Variants in RPUSD4 observed in about 807,000 individuals in gnomAD.
The protein encoded by RPUSD4 is pseudouridylate synthase RPUSD4, mitochondrial.
Under a neutral mutation model 35.4 loss-of-function variants are expected in RPUSD4, and 37 were observed. That is an observed-to-expected ratio of 1.04 (90% CI 0.80 to 1.37). The LOEUF (loss-of-function observed/expected upper bound fraction) is 1.37, where lower values mean the gene tolerates loss of function less well. Ranked by LOEUF, RPUSD4 falls within the 40% of genes most tolerant of loss-of-function variation. The pLI is 0.00. For synonymous variants in RPUSD4, 210 were observed against 192.7 expected (o/e 1.09, Z -0.74); for missense variants, 507 against 484.9 (o/e 1.05, Z -0.43).
chr11:126,205,937 C>A, intron 3 of RPUSD4, 156 bp from the exon 4 acceptor site: 2 of 525,826 alleles, frequency 3.8e-6, no homozygotes, highest in Non-Finnish European at 6.6e-6. Flanking sequence ...AATGCTTAGC[C>A]TGAGAGCTGA....
chr11:126,205,913 G>C, intron 3 of RPUSD4, 132 bp from the exon 4 acceptor site: 1 of 651,914 alleles, frequency 1.5e-6, no homozygotes, highest in Non-Finnish European at 2.5e-6. Context: ...GATCGTGCAA[G>C]ATTCTCTTGG....
chr11:126,209,817 A>G (rs1041641146), intron 2 of RPUSD4, 95 bp from the exon 3 acceptor site: 3 of 1,015,288 alleles, frequency 3.0e-6, no homozygotes, highest in Middle Eastern at 3.2e-4. Flanking sequence ...TAAACTGTCA[A>G]TATTTTCTAG....
chr11:126,209,640 C>T lies in RPUSD4; in HGVS notation c.438G>A (p.Leu146=). The part of the protein sequence containing the change: ...KMLHGHKAEP[L]HLCHRLDKET... ...CCTTGTCCAGCCGGTGGCACAGATG[C>T]AAGGGCTCTGCCTTGTGGCCATGAA... Residue 146 remains leucine, a synonymous_variant, in exon 3 of 7, where the codon TTG becomes TTA. Coordinates refer to ENST00000298317, the MANE Select transcript of RPUSD4 (RefSeq NM_032795.3). 2 of 1,614,214 alleles carry T rather than the reference C, an allele frequency of 1.2e-6. No individual in the cohort carries two copies. Among genetic ancestry groups the T allele is most frequent in the Non-Finnish European group, 1.7e-6 (2 of 1,180,040 alleles).
intron 5 of RPUSD4, among the ~76,000 whole-genome samples, chr11:126,204,671 T>C (rs1949751260): frequency 6.6e-6 from 1 of 152,232 alleles, no homozygotes; most frequent in Admixed American, 6.5e-5. Flanking sequence ...TGAATTGTAG[T>C]AACATATACA....
Position 126,205,906 on chromosome 11 carries a change from C to T in RPUSD4, c.558-125G>A, listed in dbSNP as rs113580880. On this transcript the variant is annotated intron_variant, in intron 3 of 6. Coordinates refer to ENST00000298317, the MANE Select transcript of RPUSD4 (RefSeq NM_032795.3). Reference sequence around the variant, plus strand: ...ATGTGATTTCTTATGATTGAAGGATCGTGCAAGATTCTCTTGGTGTAATGC... The same window carrying T: ...ATGTGATTTCTTATGATTGAAGGATTGTGCAAGATTCTCTTGGTGTAATGC... The T allele has an allele frequency of 2.3e-3, 1,591 of 678,038 alleles. 14 individuals are homozygous for T. In the African/African-American group the frequency reaches 0.025, roughly 11 times the overall value. The allele number at this position is 678,038 out of a possible 1,614,324, so 42.0% of individuals were successfully genotyped here.
intron 3 of RPUSD4, chr11:126,208,574 T>C (rs1157967625): frequency 1.3e-5 from 2 of 152,284 alleles, no homozygotes; most frequent in African/African-American, 4.8e-5. Context: ...AACCTCTATG[T>C]GCTAACACAG....
At chr11:126,204,187 G>T in intron 6 of RPUSD4, 44 bp downstream of exon 6, 1 of 1,360,402 alleles carries the variant, frequency 7.4e-7, no homozygotes, top group South Asian at 1.2e-5. Flanking sequence ...GAACGCCTAA[G>T]TTCTCTCCCG....
Position 126,211,467 on chromosome 11 carries a change from C to T in RPUSD4, c.172G>A (p.Asp58Asn), listed in dbSNP as rs1178299788. 1 of 1,613,560 alleles carries T rather than the reference C, an allele frequency of 6.2e-7. No homozygotes were observed. The highest frequency in any genetic ancestry group is 1.3e-5 in the African/African-American group (1 of 75,024). ...GGACTCACCGGCTCCTTCTTTGTGT[C>T]TTGTTCCCGTTTCTGGGCTCGGAGC... ...EKLRAQKREQ[D>N]TKKEPVSTNA... is the part of the protein sequence containing the mutation. Residue 58 changes from aspartate to asparagine, a missense_variant, in exon 1 of 7, where the codon GAC becomes AAC. Coordinates refer to ENST00000298317, the MANE Select transcript of RPUSD4 (RefSeq NM_032795.3).
Position 126,205,473 on chromosome 11 carries a change from A to G in RPUSD4, c.791T>C (p.Ile264Thr). The G allele has an allele frequency of 6.2e-7, 1 of 1,614,250 alleles. No individual in the cohort carries two copies. Among genetic ancestry groups the G allele is most frequent in the East Asian group, 2.2e-5 (1 of 44,888 alleles). ...LSSALVELQP[I>T]TGIKHQLRVH... ...CGGAAAAGTGACACTCTCACCAGTG[A>G]TGGGCTGGAGCTCCACGAGGGCGGA... Residue 264 changes from isoleucine (I) to threonine (T), a missense_variant, in exon 5 of 7, where the codon ATC (isoleucine) becomes ACC (threonine). Ile to Thr is a moderately conservative substitution (Grantham distance 89, BLOSUM62 -1). Transcript: ENST00000298317.
At position 126,205,492 on chromosome 11, in the gene RPUSD4, G is replaced by A; in HGVS notation, c.772C>T (p.Leu258Phe). 1 of 1,614,266 alleles carries A rather than the reference G, an allele frequency of 6.2e-7. No individual in the cohort carries two copies. Among genetic ancestry groups the A allele is most frequent in the South Asian group, 1.1e-5 (1 of 91,090 alleles). Residue 258 changes from leucine (L) to phenylalanine (F), a missense_variant, in exon 5 of 7, where the codon CTC (leucine) becomes TTC (phenylalanine). By Grantham distance (22) the Leu-to-Phe change is conservative. Coordinates refer to ENST00000298317, the MANE Select transcript of RPUSD4 (RefSeq NM_032795.3). ...QVLSSTLSSA[L>F]VELQPITGIK... ...CCAGTGATGGGCTGGAGCTCCACGA[G>A]GGCGGAGGAGAGAGTGCTGCTGAGC... is the stretch of plus-strand genomic sequence containing the variant.
In RPUSD4 at chr11:126,209,275, G is replaced by A. The variant is rs1166011176; in HGVS notation, c.557+246C>T. 1.3e-5 allele frequency: 6 copies of A among 444,544 alleles called. No homozygotes were observed. In the East Asian group the frequency reaches 2.5e-4, roughly 19 times the overall value. 27.5% of individuals were successfully genotyped at this position (444,544 alleles called of 1,614,324 possible). On this transcript the variant is annotated intron_variant, in intron 3 of 6. Coordinates refer to ENST00000298317, the MANE Select transcript of RPUSD4 (RefSeq NM_032795.3). ...CAAAGTGCTGTGATTACAGGCGTGA[G>A]CCACCATGTCCACCCCATGCTTGTA...
Position 126,210,943 on chromosome 11 carries a change from TGGA to T in RPUSD4, c.299_301del (p.Leu100del). ...GATGACCACAAGGTTCTTGTCCTGG[TGGA>T]GAATTCCTCGGGTCAGTGCCTTAGC... is the stretch of plus-strand genomic sequence containing the variant. On this transcript the variant is annotated inframe_deletion, in exon 2 of 7. Transcript: ENST00000298317. 6.2e-7 allele frequency: 1 copy of T among 1,614,178 alleles called. No homozygotes were observed. The highest frequency in any genetic ancestry group is 2.2e-5 in the East Asian group (1 of 44,882).
At position 126,203,451 on chromosome 11, in the gene RPUSD4, C is replaced by T. The variant is rs1278624124; in HGVS notation, c.1101G>A (p.Glu367=). ...CTCCCAGACACTTGGCTTCATTGTT[C>T]TCATTTTGATCCTCATTTGGCATCT... The part of the protein sequence containing the change: ...RLEMPNEDQN[E]NNEAKCLGAQ The change falls in exon 7 of 7, where the codon GAG becomes GAA. Residue 367 remains glutamate (E), a synonymous_variant. Transcript: ENST00000298317. 1.9e-6 allele frequency: 3 copies of T among 1,614,020 alleles called. No homozygotes were observed. In the South Asian group the frequency reaches 3.3e-5, roughly 18 times the overall value.
chr11:126,209,494 C>T lies in RPUSD4; in HGVS notation c.557+27G>A, dbSNP rs775821484. 4 of 1,595,392 alleles carry T rather than the reference C, an allele frequency of 2.5e-6. 1 individual carries two copies. Among genetic ancestry groups the T allele is most frequent in the Non-Finnish European group, 3.4e-6 (4 of 1,163,570 alleles). Reference sequence around the variant, plus strand: ...AAAGAAATGCCTCCACTTATACCACCTCTACTGCCATCAGCAGGCCTCATA... The same window carrying T: ...AAAGAAATGCCTCCACTTATACCACTTCTACTGCCATCAGCAGGCCTCATA... On this transcript the variant is annotated intron_variant, in intron 3 of 6. Transcript: ENST00000298317.
chr11:126,208,559 A>C (rs2135102252), intron 3 of RPUSD4: 1 of 152,402 alleles, frequency 6.6e-6, no homozygotes, highest in East Asian at 1.9e-4. Flanking sequence ...AAAAACACTG[A>C]GGTAAACCTC....
rs202200198 is a variant in RPUSD4 at position 126,203,434 on chromosome 11, C to T, written c.1118G>A (p.Cys373Tyr). 2.2e-5 allele frequency: 35 copies of T among 1,613,462 alleles called. No individual in the cohort carries two copies. Among genetic ancestry groups the T allele is most frequent in the Non-Finnish European group, 2.8e-5 (33 of 1,180,028 alleles). Residue 373 changes from cysteine to tyrosine, a missense_variant, in exon 7 of 7, where the codon TGT (cysteine) becomes TAT (tyrosine). Physicochemically the swap from Cys to Tyr is radical, Grantham distance 194 (BLOSUM62 -2). Coordinates refer to ENST00000298317, the MANE Select transcript of RPUSD4 (RefSeq NM_032795.3). ...EDQNENNEAK[C>Y]LGAQ ...CCATGGTCTTCACTGTGCTCCCAGA[C>T]ACTTGGCTTCATTGTTCTCATTTTG... is the stretch of plus-strand genomic sequence containing the variant.
rs111494239 is a variant in RPUSD4, at chr11:126,205,303, C to T, written c.796+165G>A. Among the ~76,000 whole-genome samples the T allele has an allele frequency of 7.4e-3, 1,120 of 152,320 alleles. 10 individuals carry two copies. The highest frequency in any genetic ancestry group is 0.026 in the African/African-American group (1,069 of 41,570). The stretch of plus-strand genomic sequence containing the variant: ...AGGCATTCAACCTGTTTGTATTCTT[C>T]TGCTAGCCACAACCATCTCTCTGGG... On this transcript the variant is annotated intron_variant, in intron 5 of 6. Coordinates refer to ENST00000298317, the MANE Select transcript of RPUSD4 (RefSeq NM_032795.3).
Position 126,204,725 on chromosome 11 carries a change from G to A in RPUSD4, c.797-397C>T, listed in dbSNP as rs112263455. 5.7e-3 allele frequency among the ~76,000 whole-genome samples: 864 copies of A among 152,302 alleles called. 13 individuals carry two copies. The highest frequency in any genetic ancestry group is 0.02 in the African/African-American group (830 of 41,564). On this transcript the variant is annotated intron_variant, in intron 5 of 6. Coordinates refer to ENST00000298317, the MANE Select transcript of RPUSD4 (RefSeq NM_032795.3). Reference sequence around the variant, plus strand: ...CCACTGGCATTATACTAAATGCCAAGTCAGTGACATTAGGTGTATTCACAC... The same window carrying A: ...CCACTGGCATTATACTAAATGCCAAATCAGTGACATTAGGTGTATTCACAC...
intron 3 of RPUSD4, chr11:126,206,627 G>C (rs1949777528): frequency 6.6e-6 from 1 of 152,156 alleles, no homozygotes; most frequent in African/African-American, 2.4e-5. Flanking sequence ...ACTTCTGTTG[G>C]TGTTCTCCCT....
Sources: allele counts gnomAD v4.1 joint callset (sites outside exome capture counted in the v4.1 genomes callset), GRCh38; gene constraint gnomAD v4.1.1; transcripts MANE v1.5; gene names NCBI Gene and HGNC (gene_info 2026-07-23, HGNC 2026-07-21).